Variants in RANBP17 observed in about 807,000 individuals in gnomAD.
RANBP17 encodes ran-binding protein 17.
A neutral mutation model predicts 141.2 loss-of-function variants in RANBP17; 158 were observed. The observed-to-expected ratio is 1.12, with a 90% CI of 0.98 to 1.28. RANBP17 has a LOEUF of 1.28. RANBP17 is among the 50% of genes most tolerant of loss of function. The pLI is 0.00. For synonymous variants in RANBP17, 430 were observed against 450.0 expected, an observed-to-expected ratio of 0.96 and a Z score of 0.56; for missense variants, 1,438 against 1,290.7, an observed-to-expected ratio of 1.11 and a Z score of -1.75.
In RANBP17 at chr5:170,899,299, A is replaced by C. The variant is rs371005646; in HGVS notation, c.489+3184A>C. 4.1e-4 allele frequency among the ~76,000 whole-genome samples: 63 copies of C among 152,180 alleles called. 1 individual carries two copies. The South Asian group carries it at 0.013, about 31-fold the overall frequency. ...TTGTATCAATTGTGAATGGGAGTTC[A>C]CTCATGATTTGGCTCTGTTCGTCTG... On this transcript the variant is annotated intron_variant, in intron 5 of 27. Transcript: ENST00000523189.
chr5:170,909,886 C>T, intron 6 of RANBP17, 121 bp downstream of exon 6: 1 of 590,688 alleles, frequency 1.7e-6, no homozygotes, highest in Non-Finnish European at 3.0e-6. Flanking sequence ...TGTGGACAGA[C>T]TTAAGTATAG....
intron 16 of RANBP17, among the ~76,000 whole-genome samples, chr5:171,177,528 C>T (rs924269095): frequency 3.3e-5 from 5 of 152,138 alleles, no homozygotes; most frequent in African/African-American, 1.2e-4. Flanking sequence ...ATTTATTTTA[C>T]CTACCCCTTG....
At chr5:170,980,068 C>G (rs1280830627) in intron 14 of RANBP17, among the ~76,000 whole-genome samples, 2 of 152,238 alleles carry the variant, frequency 1.3e-5, no homozygotes, top group South Asian at 2.1e-4. Flanking sequence ...AAAGGTGACT[C>G]TTACTATGTT....
At chr5:171,297,846 C>CTTT (rs71310040) in intron 27 of RANBP17, among the ~76,000 whole-genome samples, 47 of 67,510 alleles carry the variant, frequency 7.0e-4, no homozygotes, top group Admixed American at 9.3e-4. Context: ...CCAATAAATT[C>CTTT]TTTTTTTTTT....
intron 22 of RANBP17, among the ~76,000 whole-genome samples, chr5:171,235,749 A>C (rs56365731): frequency 0.12 from 18,340 of 151,848 alleles, 1,428 homozygotes; most frequent in East Asian, 0.16. Flanking sequence ...CTGATGATGC[A>C]TGCCACTACA....
rs757380952 is a variant in RANBP17, at chr5:171,183,338, T to C, written c.1946T>C (p.Phe649Ser). Residue 649 changes from phenylalanine (F) to serine (S), a missense_variant, in exon 18 of 28, where the codon TTT becomes TCT. By Grantham distance (155) the Phe-to-Ser change is radical. Coordinates refer to ENST00000523189, the MANE Select transcript of RANBP17 (RefSeq NM_022897.5). Reference sequence around the variant, plus strand: ...TTTCATTAGAGTGAACACTTCCCTTTTCTTGGCATCAGTGACAATCATAGT... The same window carrying C: ...TTTCATTAGAGTGAACACTTCCCTTCTCTTGGCATCAGTGACAATCATAGT... ...LKNHTSEHFP[F>S]LGISDNHSLS... 1 of 1,613,924 alleles carries C rather than the reference T, an allele frequency of 6.2e-7. No individual in the cohort carries two copies. The highest frequency in any genetic ancestry group is 8.5e-7 in the Non-Finnish European group (1 of 1,179,802).
At chr5:171,031,880 T>A (rs1271863475) in intron 14 of RANBP17, among the ~76,000 whole-genome samples, 2 of 152,116 alleles carry the variant, frequency 1.3e-5, no homozygotes, top group African/African-American at 4.8e-5. Flanking sequence ...TGATGGCTAC[T>A]AATGTCTCAA....
chr5:171,027,436 C>G (rs762718626), intron 14 of RANBP17, among the ~76,000 whole-genome samples: 3 of 152,052 alleles, frequency 2.0e-5, no homozygotes, highest in Non-Finnish European at 4.4e-5. Flanking sequence ...TGGAACTAAA[C>G]TCTTTGTCAC....
intron 12 of RANBP17, among the ~76,000 whole-genome samples, chr5:170,946,201 C>T (rs1007107169): frequency 6.6e-6 from 1 of 151,952 alleles, no homozygotes. Context: ...TAAATGTTTG[C>T]TATTATTTTT....
At chr5:171,088,401 T>G (rs1785878148) in intron 14 of RANBP17, among the ~76,000 whole-genome samples, 1 of 152,202 alleles carries the variant, frequency 6.6e-6, no homozygotes, top group East Asian at 1.9e-4. Flanking sequence ...TAACATTTTT[T>G]TCTGCATTTC....
intron 14 of RANBP17, among the ~76,000 whole-genome samples, chr5:171,147,347 G>A (rs905305905): frequency 2.2e-5 from 3 of 139,136 alleles, no homozygotes; most frequent in African/African-American, 8.7e-5. Context: ...TTTTGTGTGT[G>A]TGTGTGTGTG....
At chr5:170,985,993 G>A (rs1778115362) in intron 14 of RANBP17, among the ~76,000 whole-genome samples, 2 of 152,016 alleles carry the variant, frequency 1.3e-5, no homozygotes, top group Admixed American at 1.3e-4. Context: ...GCATTGGGAA[G>A]GTTATGAAGC....
intron 23 of RANBP17, among the ~76,000 whole-genome samples, chr5:171,242,339 T>G (rs1398026133): frequency 6.6e-6 from 1 of 152,218 alleles, no homozygotes; most frequent in African/African-American, 2.4e-5. Context: ...GTCTTTGTGT[T>G]TAAAAAACCA....
chr5:171,259,767 G>A (rs1007506022), intron 24 of RANBP17, among the ~76,000 whole-genome samples: 2 of 152,060 alleles, frequency 1.3e-5, no homozygotes, highest in Non-Finnish European at 2.9e-5. Flanking sequence ...GATCACTTGA[G>A]GTCAGGAGTT....
intron 24 of RANBP17, among the ~76,000 whole-genome samples, chr5:171,263,715 C>A (rs903300259): frequency 6.6e-6 from 1 of 152,144 alleles, no homozygotes; most frequent in Non-Finnish European, 1.5e-5. Context: ...TCTCTTTTTA[C>A]CATGAGGCAA....
chr5:171,165,633 A>G (rs187789257), intron 14 of RANBP17, among the ~76,000 whole-genome samples: 1 of 152,312 alleles, frequency 6.6e-6, no homozygotes, highest in East Asian at 1.9e-4. Context: ...GTTTATCACG[A>G]CAGTGTTCTA....
At chr5:171,185,242 CTT>C (rs1465369449) in intron 18 of RANBP17, among the ~76,000 whole-genome samples, 1 of 152,168 alleles carries the variant, frequency 6.6e-6, no homozygotes, top group Non-Finnish European at 1.5e-5. Flanking sequence ...GTGTTGTAAT[CTT>C]TTTCCTGGTG....
intron 18 of RANBP17, among the ~76,000 whole-genome samples, chr5:171,191,512 C>T (rs1385997183): frequency 1.3e-5 from 2 of 152,020 alleles, no homozygotes; most frequent in African/African-American, 4.8e-5. Flanking sequence ...ATGGTGAAAC[C>T]CTGTCTCTAC....
chr5:171,176,645 A>G (rs553903492), intron 16 of RANBP17, among the ~76,000 whole-genome samples: 11 of 152,044 alleles, frequency 7.2e-5, no homozygotes, highest in Non-Finnish European at 1.2e-4. Flanking sequence ...ACTCAGATAA[A>G]TTACATACGA....
Sources: gnomAD v4.1 joint callset for allele counts (sites outside exome capture counted in the v4.1 genomes callset) on GRCh38, gnomAD v4.1.1 for gene constraint, MANE v1.5 for transcripts, NCBI Gene and HGNC (gene_info 2026-07-23, HGNC 2026-07-21) for gene names.